Variants in PHETA1 observed in about 807,000 individuals in gnomAD.
PHETA1 encodes the protein sesquipedalian-1.
For synonymous variants in PHETA1, 155 were observed against 168.9 expected (o/e 0.92, Z 0.64); for missense variants, 348 against 373.5 (o/e 0.93, Z 0.56).
chr12:111,362,883 G>C lies in PHETA1; in HGVS notation c.545C>G (p.Pro182Arg). 6.5e-7 allele frequency: 1 copy of C among 1,530,522 alleles called. No homozygotes were observed. The allele number at this position is 1,530,522 out of a possible 1,614,324, so 94.8% of individuals were successfully genotyped here. A position where few individuals can be genotyped will look rare whatever the true frequency, so the allele number is the denominator to read the frequency against. Residue 182 changes from proline (P) to arginine (R), a missense_variant, in exon 3 of 3, where the codon CCG (proline) becomes CGG (arginine). Physicochemically the swap from Pro to Arg is moderately radical, Grantham distance 103 (BLOSUM62 -2). Transcript: ENST00000683047. ...GACAGCGCAGCCATTCTCCTTGGGC[G>C]GGAGGGCACTGGGCCGGCGGGGCAG... ...LPLPRRPSAL[P>R]PKENGCAVWS...
chr12:111,364,925 TC>T (rs1375376677), intron 2 of PHETA1, among the ~76,000 whole-genome samples: 1 of 151,894 alleles, frequency 6.6e-6, no homozygotes, highest in African/African-American at 2.4e-5. Context: ...AGACTCCGTC[TC>T]AAAAAAAAAG....
chr12:111,365,002 C>T (rs1868942356), intron 2 of PHETA1, among the ~76,000 whole-genome samples: 1 of 152,154 alleles, frequency 6.6e-6, no homozygotes, highest in Non-Finnish European at 1.5e-5. Context: ...GGCAGGGGGT[C>T]GACCCGTGCC....
chr12:111,362,453 C>G lies in PHETA1; in HGVS notation c.*225G>C, dbSNP rs750139145. 29 of 1,170,208 alleles carry G rather than the reference C, an allele frequency of 2.5e-5. No individual in the cohort carries two copies. The highest frequency in any genetic ancestry group is 1.3e-4 in the East Asian group (5 of 38,656). 72.5% of individuals were successfully genotyped at this position (1,170,208 alleles called of 1,614,324 possible). A position where few individuals can be genotyped will look rare whatever the true frequency, so the allele number is the denominator to read the frequency against. Reference sequence around the variant, plus strand: ...GGATTCTCCTTAGTGTTGCACGTGACGTTCCCCTCAAGGGTAGGCCTTCTG... The same window carrying G: ...GGATTCTCCTTAGTGTTGCACGTGAGGTTCCCCTCAAGGGTAGGCCTTCTG... On this transcript the variant is annotated 3_prime_UTR_variant, in exon 3 of 3. Transcript: ENST00000683047.
At position 111,365,797 on chromosome 12, in the gene PHETA1, G is replaced by A. The variant is rs550365964; in HGVS notation, c.-37+316C>T. The A allele has an allele frequency of 5.4e-5, 18 of 332,026 alleles. No individual in the cohort carries two copies. In the East Asian group the frequency reaches 1.2e-3, roughly 22 times the overall value. The allele number at this position is 332,026 out of a possible 1,614,324, so 20.6% of individuals were successfully genotyped here. A position where few individuals can be genotyped will look rare whatever the true frequency, so the allele number is the denominator to read the frequency against. On this transcript the variant is annotated intron_variant, in intron 2 of 2. Transcript: ENST00000683047. ...GGTGAGGGGAGGGAACTTAGAGAAC[G>A]GGTCAATGGTGCAGCAAGCCACCAT...
chr12:111,362,844 G>T lies in PHETA1; in HGVS notation c.584C>A (p.Ala195Asp). The change falls in exon 3 of 3, where the codon GCC becomes GAC. Residue 195 changes from alanine (A) to aspartate (D), a missense_variant. Coordinates refer to ENST00000683047, the MANE Select transcript of PHETA1 (RefSeq NM_144671.6). ...ENGCAVWSTE[A>D]TFRPGPEPPP... ...GGGCTCGGGTCCAGGCCTGAAGGTG[G>T]CCTCAGTGCTCCAGACAGCGCAGCC... 1 of 1,538,612 alleles carries T rather than the reference G, an allele frequency of 6.5e-7. No individual in the cohort carries two copies.
At position 111,362,899 on chromosome 12, in the gene PHETA1, G is replaced by A. The variant is rs1243405575; in HGVS notation, c.529C>T (p.Arg177Trp). The stretch of plus-strand genomic sequence containing the variant: ...TCCTTGGGCGGGAGGGCACTGGGCC[G>A]GCGGGGCAGGGGCAGGGCTGGGACC... Reference protein sequence around the residue: ...APVPALPLPRRPSALPPKENG... With the variant: ...APVPALPLPRWPSALPPKENG... The change falls in exon 3 of 3, where the codon CGG (arginine) becomes TGG (tryptophan). Residue 177 changes from arginine (R) to tryptophan (W), a missense_variant. Arg to Trp is a moderately radical substitution (Grantham distance 101). Coordinates refer to ENST00000683047, the MANE Select transcript of PHETA1 (RefSeq NM_144671.6). 2.6e-5 allele frequency: 40 copies of A among 1,516,310 alleles called. No homozygotes were observed. Among genetic ancestry groups the A allele is most frequent in the Non-Finnish European group, 3.3e-5 (37 of 1,136,746 alleles). The allele number at this position is 1,516,310 out of a possible 1,614,324, so 93.9% of individuals were successfully genotyped here.
chr12:111,364,455 A>G (rs1475196507), intron 2 of PHETA1, among the ~76,000 whole-genome samples: 3 of 152,158 alleles, frequency 2.0e-5, no homozygotes, highest in Non-Finnish European at 2.9e-5. Flanking sequence ...TCTGCCAGGT[A>G]GTCTCATGTT....
intron 2 of PHETA1, among the ~76,000 whole-genome samples, chr12:111,364,518 C>T (rs1443094391): frequency 6.6e-6 from 1 of 152,056 alleles, no homozygotes; most frequent in Non-Finnish European, 1.5e-5. Context: ...GCCTGTAATC[C>T]CAGCACTTTG....
rs763529030 is a variant in PHETA1, at chr12:111,362,721, C to T, written c.707G>A (p.Arg236Gln). Residue 236 changes from arginine to glutamine, a missense_variant, in exon 3 of 3, where the codon CGG becomes CAG. By Grantham distance (43) the Arg-to-Gln change is conservative (BLOSUM62 1). Transcript: ENST00000683047. Reference protein sequence around the residue: ...RLHECYGQEIRALRGQWLSSR... With the variant: ...RLHECYGQEIQALRGQWLSSR... ...GCTGAGCCACTGGCCACGCAGGGCC[C>T]GGATCTCCTGGCCATAGCACTCGTG... is the stretch of plus-strand genomic sequence containing the variant. The T allele has an allele frequency of 3.9e-5, 60 of 1,547,222 alleles. No homozygotes were observed. The highest frequency in any genetic ancestry group is 9.8e-5 in the Admixed American group (5 of 50,970).
chr12:111,364,884 CACT>C (rs1319613500), intron 2 of PHETA1, among the ~76,000 whole-genome samples: 2 of 151,962 alleles, frequency 1.3e-5, no homozygotes, highest in Non-Finnish European at 2.9e-5. Flanking sequence ...GCCGAGATTG[CACT>C]ACTACACTCC....
rs954646976 is a variant in PHETA1 at position 111,363,532 on chromosome 12, C to A, written c.-36-69G>T. 7 of 1,535,586 alleles carry A rather than the reference C, an allele frequency of 4.6e-6. No individual in the cohort carries two copies. Among genetic ancestry groups the A allele is most frequent in the South Asian group, 1.2e-5 (1 of 83,388 alleles). Reference sequence around the variant, plus strand: ...TAGGTCACCCAGTGCCCCAAGGGGACCTTGCAGCCACTCTACATCCCCGTT... The same window carrying A: ...TAGGTCACCCAGTGCCCCAAGGGGAACTTGCAGCCACTCTACATCCCCGTT... On this transcript the variant is annotated intron_variant, in intron 2 of 2. Coordinates refer to ENST00000683047, the MANE Select transcript of PHETA1 (RefSeq NM_144671.6). The surrounding 1 kb of genome is among the most constrained non-coding windows in gnomAD (Gnocchi z 7.4).
chr12:111,363,457 C>A lies in PHETA1; in HGVS notation c.-30G>T. On this transcript the variant is annotated 5_prime_UTR_variant, in exon 3 of 3. The change creates a new upstream start codon in the 5' untranslated region. Transcript: ENST00000683047. The surrounding 1 kb of genome is among the most constrained non-coding windows in gnomAD (Gnocchi z 7.4). ...GCAATCGCGGGGCCTGGAGGGGAGC[C>A]TGGGGCCTGGACCCCATAGAAGGGC... 1.3e-6 allele frequency: 2 copies of A among 1,598,384 alleles called. No homozygotes were observed. Among genetic ancestry groups the A allele is most frequent in the Admixed American group, 3.4e-5 (2 of 59,120 alleles).
rs1217634024 is a variant in PHETA1 at position 111,361,690 on chromosome 12, G to A, written c.*988C>T. On this transcript the variant is annotated 3_prime_UTR_variant, in exon 3 of 3. Transcript: ENST00000683047. Reference sequence around the variant, plus strand: ...AGAGGGGGCTGCCTGGAGCTGAAGAGGGGCTCTGGAAGCCACACTCGGTGT... The same window carrying A: ...AGAGGGGGCTGCCTGGAGCTGAAGAAGGGCTCTGGAAGCCACACTCGGTGT... 1 of 353,362 alleles carries A rather than the reference G, an allele frequency of 2.8e-6. No individual in the cohort carries two copies. Among genetic ancestry groups the A allele is most frequent in the African/African-American group, 2.2e-5 (1 of 45,998 alleles). 21.9% of individuals were successfully genotyped at this position (353,362 alleles called of 1,614,324 possible).
chr12:111,366,606 T>A (rs1188632151), intron 1 of PHETA1, among the ~76,000 whole-genome samples: 1 of 152,146 alleles, frequency 6.6e-6, no homozygotes, highest in Non-Finnish European at 1.5e-5. Context: ...ATAAGTCTCC[T>A]TGCCCCTCCC....
chr12:111,363,774 C>T lies in PHETA1; in HGVS notation c.-36-311G>A. 7.1e-7 allele frequency: 1 copy of T among 1,399,928 alleles called. No homozygotes were observed. The highest frequency in any genetic ancestry group is 9.4e-7 in the Non-Finnish European group (1 of 1,059,402). 86.7% of individuals were successfully genotyped at this position (1,399,928 alleles called of 1,614,324 possible). A position where few individuals can be genotyped will look rare whatever the true frequency, so the allele number is the denominator to read the frequency against. On this transcript the variant is annotated intron_variant, in intron 2 of 2. Transcript: ENST00000683047. The surrounding 1 kb of genome is among the most constrained non-coding windows in gnomAD (Gnocchi z 7.4). ...TGAACTCACTTTATCTCACAATAGA[C>T]CTTAGGTCACAGGGACTGGCCTGGC...
chr12:111,363,642 A>C lies in PHETA1; in HGVS notation c.-36-179T>G. ...TCCTAAGAAGCAGAGACAGGACTGG[A>C]ACCTGGGTCTCACGGGCCTCCCCAG... is the stretch of plus-strand genomic sequence containing the variant. On this transcript the variant is annotated intron_variant, in intron 2 of 2. Coordinates refer to ENST00000683047, the MANE Select transcript of PHETA1 (RefSeq NM_144671.6). The surrounding 1 kb of genome is among the most constrained non-coding windows in gnomAD (Gnocchi z 7.4). 1 of 1,534,616 alleles carries C rather than the reference A, an allele frequency of 6.5e-7. No individual in the cohort carries two copies. Among genetic ancestry groups the C allele is most frequent in the African/African-American group, 1.4e-5 (1 of 73,124 alleles).
intron 2 of PHETA1, chr12:111,365,553 T>C (rs532469183): frequency 2.2e-4 from 100 of 455,680 alleles, no homozygotes; most frequent in African/African-American, 2.0e-3. Context: ...GGAAATGTGG[T>C]ACATACACAC....
chr12:111,365,395 CT>C lies in PHETA1; in HGVS notation c.-37+717del, dbSNP rs200650968. Among the ~76,000 whole-genome samples, 1,164 of 152,284 alleles carry C rather than the reference CT, an allele frequency of 7.6e-3. 12 individuals carry two copies. Among genetic ancestry groups the C allele is most frequent in the Middle Eastern group, 0.014 (4 of 294 alleles). On this transcript the variant is annotated intron_variant, in intron 2 of 2. Coordinates refer to ENST00000683047, the MANE Select transcript of PHETA1 (RefSeq NM_144671.6). ...CCGCAGTGAGGCCCTGCCAGACTAC[CT>C]GTCCTAGGGTGGAGGGGGTTGTCCT...
At position 111,368,736 on chromosome 12, in the gene PHETA1, G is replaced by A. The variant is rs1332049274; in HGVS notation, c.-182+176C>T. 6.6e-6 allele frequency among the ~76,000 whole-genome samples: 1 copy of A among 152,258 alleles called. No homozygotes were observed. Among genetic ancestry groups the A allele is most frequent in the South Asian group, 2.1e-4 (1 of 4,832 alleles). On this transcript the variant is annotated intron_variant, in intron 1 of 2. Transcript: ENST00000683047. The surrounding 1 kb of genome is among the most constrained non-coding windows in gnomAD (Gnocchi z 5.0). ...CGTCCCTATGGGCTGAGAGAGGGGA[G>A]GGTGGTCATTGGCCAAGTTCGCCTC...
Sources: allele counts gnomAD v4.1 joint callset (sites outside exome capture counted in the v4.1 genomes callset), GRCh38; gene constraint gnomAD v4.1.1; non-coding constraint Gnocchi (gnomAD v3.1); transcripts MANE v1.5; gene names NCBI Gene and HGNC (gene_info 2026-07-23, HGNC 2026-07-21).